Variants in PSD3 observed in about 807,000 individuals in gnomAD.
PSD3 encodes pleckstrin and Sec7 domain containing 3.
A neutral mutation model predicts 105.5 loss-of-function variants in PSD3; 49 were observed. The ratio of observed to expected loss-of-function variants is 0.46; its 90% CI spans 0.37 to 0.59. The LOEUF is 0.59. PSD3 is among the 20% of genes least tolerant of loss of function. The pLI is 0.00. For missense variants in PSD3, 1,561 were observed against 1,263.8 expected (o/e 1.24, Z -3.57); for synonymous variants, 557 against 457.8 (o/e 1.22, Z -2.77).
intron 9 of PSD3, among the ~76,000 whole-genome samples, chr8:18,713,312 G>T (rs1465205239): frequency 6.6e-6 from 1 of 152,068 alleles, no homozygotes; most frequent in East Asian, 1.9e-4. Context: ...AAGAAATAAA[G>T]GGTATTCAAA....
chr8:18,839,520 G>C (rs1211857339), intron 4 of PSD3, among the ~76,000 whole-genome samples: 1 of 152,126 alleles, frequency 6.6e-6, no homozygotes, highest in Non-Finnish European at 1.5e-5. Flanking sequence ...GTTTGCTGCA[G>C]CAAAGCCAAG....
At chr8:18,686,829 T>C (rs982011703) in intron 9 of PSD3, among the ~76,000 whole-genome samples, 1 of 152,200 alleles carries the variant, frequency 6.6e-6, no homozygotes, top group Non-Finnish European at 1.5e-5. Flanking sequence ...CTCCATCTGC[T>C]GTCATCCTGT....
At chr8:18,568,720 T>C (rs1177584569) in intron 14 of PSD3, among the ~76,000 whole-genome samples, 1 of 146,600 alleles carries the variant, frequency 6.8e-6, no homozygotes, top group Non-Finnish European at 1.5e-5. Flanking sequence ...TTTTTTTTTA[T>C]TATACTTTAA....
At chr8:18,572,432 C>T (rs551477218) in intron 14 of PSD3, 96 bp downstream of exon 14, 6 of 1,455,810 alleles carry the variant, frequency 4.1e-6, no homozygotes, top group Admixed American at 1.9e-5. Flanking sequence ...CTCACACCTG[C>T]CCCCAAAACA....
chr8:18,762,967 T>C (rs1806663450), intron 9 of PSD3: 1 of 1,271,482 alleles, frequency 7.9e-7, no homozygotes, highest in Admixed American at 2.3e-5. Context: ...CTCAGTAGTC[T>C]GTGATCTCTG....
At chr8:18,772,387 T>C (rs1215265235) in intron 8 of PSD3, among the ~76,000 whole-genome samples, 2 of 147,466 alleles carry the variant, frequency 1.4e-5, no homozygotes, top group Non-Finnish European at 3.0e-5. Flanking sequence ...TTGCCAAAAA[T>C]AGTTTCTATT....
intron 9 of PSD3, among the ~76,000 whole-genome samples, chr8:18,697,324 T>C (rs138844213): frequency 1.2e-4 from 18 of 152,210 alleles, no homozygotes; most frequent in Admixed American, 3.3e-4. Context: ...GATAAGAGAA[T>C]TGTCAGTACT....
chr8:18,922,525 C>G (rs1027382541), intron 2 of PSD3, among the ~76,000 whole-genome samples: 2 of 152,180 alleles, frequency 1.3e-5, no homozygotes, highest in African/African-American at 2.4e-5. Flanking sequence ...GTTTTCCCCA[C>G]AAACCGAGCA....
At chr8:18,820,620 G>T (rs376097339) in intron 4 of PSD3, among the ~76,000 whole-genome samples, 3 of 151,826 alleles carry the variant, frequency 2.0e-5, no homozygotes, top group African/African-American at 7.3e-5. Context: ...AAAAAAATAC[G>T]AACATTCTCA....
Position 18,920,651 on chromosome 8 carries a change from G to A in PSD3, c.130+15383C>T, listed in dbSNP as rs1047974118. ...CCTTTTATTGACATATCCTAAGGCC[G>A]GATCATTAGAAACATATTTTTCTCC... On this transcript the variant is annotated intron_variant, in intron 2 of 15. Coordinates refer to ENST00000327040, the MANE Select transcript of PSD3 (RefSeq NM_015310.4). Among the ~76,000 whole-genome samples the A allele has an allele frequency of 5.9e-5, 9 of 152,190 alleles. No individual in the cohort carries two copies. In the East Asian group the frequency reaches 1.2e-3, roughly 20 times the overall value.
chr8:19,001,747 G>A (rs1826411831), intron 1 of PSD3: 1 of 153,144 alleles, frequency 6.5e-6, no homozygotes, highest in Admixed American at 6.5e-5. Context: ...CCCGGGCTCA[G>A]AGAAGGAAGG....
intron 9 of PSD3, among the ~76,000 whole-genome samples, chr8:18,711,568 CGA>C (rs1802259585): frequency 6.6e-6 from 1 of 152,104 alleles, no homozygotes; most frequent in African/African-American, 2.4e-5. Flanking sequence ...CAATTCAACA[CGA>C]AGAGCTAACT....
chr8:18,988,127 A>T (rs1448701961), intron 1 of PSD3, among the ~76,000 whole-genome samples: 1 of 151,556 alleles, frequency 6.6e-6, no homozygotes, highest in Non-Finnish European at 1.5e-5. Context: ...ATATATATAT[A>T]CACATGAATA....
intron 8 of PSD3, among the ~76,000 whole-genome samples, chr8:18,792,735 A>C (rs1304935318): frequency 6.6e-6 from 1 of 152,320 alleles, no homozygotes; most frequent in Middle Eastern, 3.4e-3. Flanking sequence ...GTGGGACTGT[A>C]AACTAGTTCA....
rs549307317 is a variant in PSD3 at position 18,843,755 on chromosome 8, C to T, written c.1634+23919G>A. Reference sequence around the variant, plus strand: ...GGTAAAATAGAGGTATATTCCAGTACTGATGATGGTGGTGATGGTGATGAA... The same window carrying T: ...GGTAAAATAGAGGTATATTCCAGTATTGATGATGGTGGTGATGGTGATGAA... On this transcript the variant is annotated intron_variant, in intron 4 of 15. Transcript: ENST00000327040. 9.9e-5 allele frequency among the ~76,000 whole-genome samples: 15 copies of T among 152,214 alleles called. No homozygotes were observed. The South Asian group carries it at 2.9e-3, about 30-fold the overall frequency.
intron 1 of PSD3, among the ~76,000 whole-genome samples, chr8:19,054,720 G>A (rs987850371): frequency 6.6e-6 from 1 of 152,076 alleles, no homozygotes; most frequent in Admixed American, 6.6e-5. Flanking sequence ...TGAGATTAAA[G>A]AAACTATTCT....
intron 14 of PSD3, among the ~76,000 whole-genome samples, chr8:18,563,156 T>C (rs1273396509): frequency 3.3e-5 from 5 of 152,112 alleles, no homozygotes; most frequent in South Asian, 2.1e-4. Flanking sequence ...CAGTAAAGTG[T>C]TGAGCAGAGA....
chr8:18,960,539 T>C (rs1244407004), intron 1 of PSD3, among the ~76,000 whole-genome samples: 1 of 152,100 alleles, frequency 6.6e-6, no homozygotes, highest in African/African-American at 2.4e-5. Context: ...AATGCGTAAA[T>C]GTACTAAGGG....
At chr8:18,648,825 G>A (rs1220692499) in intron 10 of PSD3, among the ~76,000 whole-genome samples, 1 of 152,244 alleles carries the variant, frequency 6.6e-6, no homozygotes, top group Non-Finnish European at 1.5e-5. Context: ...TCTAGCTACA[G>A]CTGTGGCTAA....
Sources: allele counts gnomAD v4.1 joint callset (sites outside exome capture counted in the v4.1 genomes callset), GRCh38; gene constraint gnomAD v4.1.1; transcripts MANE v1.5; gene names NCBI Gene and HGNC (gene_info 2026-07-23, HGNC 2026-07-21).